Variants in NTF3 observed in about 807,000 individuals in gnomAD.
The protein encoded by NTF3 is neurotrophin 3, also known as neurotrophin-3.
Under a neutral mutation model 26.3 loss-of-function variants are expected in NTF3, and 8 were observed. The observed-to-expected ratio is 0.30, with a 90% confidence interval of 0.18 to 0.55. The LOEUF (loss-of-function observed/expected upper bound fraction) is 0.55, where lower values mean the gene tolerates loss of function less well. Ranked by LOEUF, NTF3 falls within the 20% of genes least tolerant of loss-of-function variation. The pLI is 0.93. For missense variants in NTF3, 276 were observed against 352.9 expected (o/e 0.78, Z 1.75); for synonymous variants, 154 against 145.5 (o/e 1.06, Z -0.42).
At chr12:5,491,797 G>A (rs1033128681) in intron 1 of NTF3, among the ~76,000 whole-genome samples, 1 of 137,622 alleles carries the variant, frequency 7.3e-6, no homozygotes, top group Admixed American at 8.2e-5. Context: ...TTGGCTCACT[G>A]TAAGCTCCGC....
upstream of NTF3, chr12:5,432,091 C>G (rs1210495984): frequency 1.7e-6 from 1 of 589,142 alleles, no homozygotes; most frequent in Non-Finnish European, 3.1e-6. Context: ...TATAACCGCG[C>G]AGATTCTGTT....
chr12:5,450,432 C>T (rs552153361), intron 1 of NTF3, among the ~76,000 whole-genome samples: 2 of 152,314 alleles, frequency 1.3e-5, no homozygotes, highest in African/African-American at 4.8e-5. Flanking sequence ...GAGAATTTTG[C>T]TCCTTGTTTT....
chr12:5,454,546 G>A (rs374143460), intron 1 of NTF3, among the ~76,000 whole-genome samples: 2 of 152,168 alleles, frequency 1.3e-5, no homozygotes, highest in African/African-American at 4.8e-5. Context: ...CAGAGTGCAG[G>A]GTGAGCTGTG....
chr12:5,486,885 GTGT>G (rs1940872560), intron 1 of NTF3, among the ~76,000 whole-genome samples: 20 of 37,682 alleles, frequency 5.3e-4, no homozygotes, highest in African/African-American at 2.5e-3. Flanking sequence ...TACGTGGTGT[GTGT>G]GTGTGTGTGT....
chr12:5,477,371 G>A (rs558612115), intron 1 of NTF3, among the ~76,000 whole-genome samples: 5 of 152,258 alleles, frequency 3.3e-5, no homozygotes, highest in African/African-American at 9.6e-5. Context: ...ACCCAGAGTC[G>A]TTTCTTAAAG....
intron 1 of NTF3, among the ~76,000 whole-genome samples, chr12:5,453,516 C>G (rs889723300): frequency 2.0e-5 from 3 of 152,198 alleles, no homozygotes; most frequent in Non-Finnish European, 4.4e-5. Flanking sequence ...GAACTGGAAC[C>G]TGGTCGGCAG....
chr12:5,484,454 T>C (rs1940843359), intron 1 of NTF3, among the ~76,000 whole-genome samples: 1 of 152,196 alleles, frequency 6.6e-6, no homozygotes, highest in Non-Finnish European at 1.5e-5. Context: ...ATTCTAAACC[T>C]AAAATCTGTG....
At chr12:5,467,606 T>C (rs1264865963) in intron 1 of NTF3, among the ~76,000 whole-genome samples, 1 of 152,218 alleles carries the variant, frequency 6.6e-6, no homozygotes, top group Admixed American at 6.5e-5. Context: ...GAAACTGTTA[T>C]TTAATTGGAG....
Position 5,495,086 on chromosome 12 carries a change from C to A in NTF3, c.*98C>A. On this transcript the variant is annotated 3_prime_UTR_variant, in exon 2 of 2. Coordinates refer to ENST00000423158, the MANE Select transcript of NTF3 (RefSeq NM_001102654.2). ...ATTGTTTTTATATATTATAAGTTGA[C>A]CTTTATTTATTAAACTTCAGCAACC... is the stretch of plus-strand genomic sequence containing the variant. 7.7e-7 allele frequency: 1 copy of A among 1,303,908 alleles called. No individual in the cohort carries two copies. The allele number at this position is 1,303,908 out of a possible 1,614,324, so 80.8% of individuals were successfully genotyped here. A position where few individuals can be genotyped will look rare whatever the true frequency, so the allele number is the denominator to read the frequency against.
intron 1 of NTF3, among the ~76,000 whole-genome samples, chr12:5,477,637 A>G (rs1940741000): frequency 6.6e-6 from 1 of 152,186 alleles, no homozygotes; most frequent in South Asian, 2.1e-4. Flanking sequence ...CCAGAGAGTA[A>G]GTACTGACAA....
intron 1 of NTF3, among the ~76,000 whole-genome samples, chr12:5,439,600 CCTTTA>C (rs1206899390): frequency 6.6e-6 from 1 of 152,190 alleles, no homozygotes; most frequent in Non-Finnish European, 1.5e-5. Flanking sequence ...TGGCCCTCTC[CCTTTA>C]CTTCTTGTTC....
At chr12:5,481,493 G>C (rs961528130) in intron 1 of NTF3, among the ~76,000 whole-genome samples, 1 of 13,936 alleles carries the variant, frequency 7.2e-5, no homozygotes, top group Non-Finnish European at 1.7e-4. Flanking sequence ...GCACACCACA[G>C]ATACACAGAA....
At chr12:5,492,853 C>A (rs1387744085) in intron 1 of NTF3, among the ~76,000 whole-genome samples, 1 of 152,198 alleles carries the variant, frequency 6.6e-6, no homozygotes, top group Non-Finnish European at 1.5e-5. Flanking sequence ...TGCTGGTTAG[C>A]AGGACTGCTT....
upstream of NTF3, among the ~76,000 whole-genome samples, chr12:5,430,910 A>G (rs530556272): frequency 4.0e-5 from 6 of 151,898 alleles, no homozygotes; most frequent in South Asian, 1.0e-3. Flanking sequence ...TCCACCACGC[A>G]AGGACTCGGG....
At chr12:5,474,284 G>A (rs2121216486) in intron 1 of NTF3, among the ~76,000 whole-genome samples, 1 of 152,310 alleles carries the variant, frequency 6.6e-6, no homozygotes, top group African/African-American at 2.4e-5. Context: ...GGAGCAGACA[G>A]GCAAGAAAAA....
intron 1 of NTF3, among the ~76,000 whole-genome samples, chr12:5,492,907 C>A (rs187862398): frequency 4.3e-4 from 65 of 152,286 alleles, no homozygotes; most frequent in Non-Finnish European, 4.4e-5. Context: ...CTCTATTTTC[C>A]CCCTGGACTT....
In NTF3 at chr12:5,494,446, G is replaced by A. The variant is rs146418225; in HGVS notation, c.271G>A (p.Ala91Thr). The change falls in exon 2 of 2, where the codon GCC becomes ACC. Residue 91 changes from alanine (A) to threonine (T), a missense_variant. Coordinates refer to ENST00000423158, the MANE Select transcript of NTF3 (RefSeq NM_001102654.2). The surrounding 1 kb of genome is among the most constrained non-coding windows in gnomAD (Gnocchi z 8.3). ...CCGAGAGCCGGAGCGGGGAGGGCCCGCCAAGTCAGCATTCCAGCCGGTGAT... is the reference window on the plus strand; with the variant it reads ...CCGAGAGCCGGAGCGGGGAGGGCCCACCAAGTCAGCATTCCAGCCGGTGAT... ...APREPERGGP[A>T]KSAFQPVIAM... The A allele has an allele frequency of 6.2e-6, 10 of 1,613,276 alleles. No individual in the cohort carries two copies. The highest frequency in any genetic ancestry group is 1.3e-5 in the African/African-American group (1 of 74,884).
intron 1 of NTF3, among the ~76,000 whole-genome samples, chr12:5,493,268 A>G (rs1449789457): frequency 6.6e-6 from 1 of 152,224 alleles, no homozygotes; most frequent in Non-Finnish European, 1.5e-5. Flanking sequence ...ACAGAATGAG[A>G]GCGTGGATGG....
At chr12:5,460,156 A>G (rs770695440) in intron 1 of NTF3, among the ~76,000 whole-genome samples, 2 of 152,226 alleles carry the variant, frequency 1.3e-5, no homozygotes, top group Non-Finnish European at 2.9e-5. Context: ...AGTGCAGTAC[A>G]TTTGTTGCAG....
Sources: allele counts gnomAD v4.1 joint callset (sites outside exome capture counted in the v4.1 genomes callset), GRCh38; gene constraint gnomAD v4.1.1; non-coding constraint Gnocchi (gnomAD v3.1); transcripts MANE v1.5; gene names NCBI Gene and HGNC (gene_info 2026-07-23, HGNC 2026-07-21).